The following NEK11 variants were observed in gnomAD, a reference collection of about 807,000 sequenced individuals.
NEK11 encodes serine/threonine-protein kinase Nek11.
NEK11 carries 72 observed loss-of-function variants against 80.7 expected under a neutral mutation model. The observed-to-expected ratio is 0.89, with a 90% CI of 0.74 to 1.08. The LOEUF (loss-of-function observed/expected upper bound fraction) is 1.08, where lower values mean the gene tolerates loss of function less well. NEK11 is among the 50% of genes least tolerant of loss of function. NEK11 has a pLI of 0.00. For missense variants in NEK11, 764 were observed against 763.6 expected, an observed-to-expected ratio of 1.00 and a Z score of -0.01; for synonymous variants, 251 against 260.7, an observed-to-expected ratio of 0.96 and a Z score of 0.36.
intron 3 of NEK11, among the ~76,000 whole-genome samples, chr3:131,041,511 T>A (rs1176248535): frequency 6.6e-6 from 1 of 152,124 alleles, no homozygotes; most frequent in Non-Finnish European, 1.5e-5. Flanking sequence ...AAACTCTGTG[T>A]GTGTGTGTGT....
chr3:131,296,354 G>T (rs1190172908), intron 17 of NEK11, among the ~76,000 whole-genome samples: 5 of 152,070 alleles, frequency 3.3e-5, no homozygotes, highest in African/African-American at 1.2e-4. Context: ...AGAACAGGTT[G>T]TCTGTTAGAT....
chr3:131,116,024 C>T (rs1157372687), intron 5 of NEK11, among the ~76,000 whole-genome samples: 13 of 144,600 alleles, frequency 9.0e-5, no homozygotes, highest in South Asian at 2.2e-4. Flanking sequence ...ATGTACACAA[C>T]GTGCAGGTTT....
intron 7 of NEK11, 114 bp downstream of exon 7, chr3:131,134,070 A>C: frequency 2.2e-6 from 2 of 896,008 alleles, no homozygotes; most frequent in Non-Finnish European, 3.2e-6. Flanking sequence ...TGACATGAAT[A>C]TTTCTGTGAC....
intron 14 of NEK11, among the ~76,000 whole-genome samples, chr3:131,208,220 G>T (rs1465883970): frequency 6.6e-6 from 1 of 152,100 alleles, no homozygotes; most frequent in Non-Finnish European, 1.5e-5. Context: ...TATTAAATAG[G>T]GAATCCTTTC....
chr3:131,114,705 A>T (rs140777430), intron 5 of NEK11, among the ~76,000 whole-genome samples: 1 of 152,246 alleles, frequency 6.6e-6, no homozygotes, highest in Non-Finnish European at 1.5e-5. Flanking sequence ...AAGAAGCGTG[A>T]ATACTTGGGA....
chr3:131,223,784 C>T (rs1382546379), intron 14 of NEK11, among the ~76,000 whole-genome samples: 2 of 152,056 alleles, frequency 1.3e-5, no homozygotes, highest in South Asian at 2.1e-4. Context: ...ACAGGAAGGA[C>T]AGTGGGAGGT....
At chr3:131,160,778 T>C (rs1172853019) in intron 10 of NEK11, among the ~76,000 whole-genome samples, 1 of 152,184 alleles carries the variant, frequency 6.6e-6, no homozygotes, top group Non-Finnish European at 1.5e-5. Flanking sequence ...GTTGCTGTTC[T>C]AATTTCAAAC....
chr3:131,243,440 G>A lies in NEK11; in HGVS notation c.1565G>A (p.Ser522Asn), dbSNP rs1454322149. ...ATTTCTCCCTTATTTTGACAGGACA[G>A]TGATATCGAAGCGTTGGCCAGGTGT... ...QPAYRTNQQD[S>N]DIEALARCLE... The change falls in exon 16 of 18, where the codon AGT becomes AAT. Residue 522 changes from serine (S) to asparagine (N), a missense_variant. Transcript: ENST00000383366. The A allele has an allele frequency of 1.9e-6, 3 of 1,612,596 alleles. No homozygotes were observed. Among genetic ancestry groups the A allele is most frequent in the African/African-American group, 2.7e-5 (2 of 74,918 alleles).
chr3:131,138,820 T>G (rs1285407751), intron 7 of NEK11, among the ~76,000 whole-genome samples: 1 of 152,232 alleles, frequency 6.6e-6, no homozygotes, highest in Non-Finnish European at 1.5e-5. Context: ...ACAGTGTTAC[T>G]GGGCTTGGGG....
chr3:131,134,268 T>C (rs1158235223), intron 7 of NEK11: 1 of 201,542 alleles, frequency 5.0e-6, no homozygotes, highest in African/African-American at 2.3e-5. Flanking sequence ...AAATAAAGTA[T>C]TTGTAACCCT....
intron 12 of NEK11, among the ~76,000 whole-genome samples, chr3:131,166,069 C>G (rs1483137697): frequency 1.3e-5 from 2 of 152,190 alleles, no homozygotes; most frequent in African/African-American, 4.8e-5. Flanking sequence ...AAATAGCAAA[C>G]ACCATTTTCT....
intron 16 of NEK11, among the ~76,000 whole-genome samples, chr3:131,259,566 C>A (rs957878340): frequency 2.6e-5 from 4 of 152,056 alleles, no homozygotes; most frequent in Non-Finnish European, 1.5e-5. Context: ...GGGATTGACC[C>A]TGTGGACAGA....
intron 17 of NEK11, among the ~76,000 whole-genome samples, chr3:131,339,720 C>G (rs1167862071): frequency 2.6e-5 from 4 of 152,170 alleles, no homozygotes; most frequent in Admixed American, 6.5e-5. Context: ...TAAACAGGAA[C>G]AGGAACAGAT....
intron 14 of NEK11, among the ~76,000 whole-genome samples, chr3:131,205,276 A>C (rs2094410402): frequency 6.6e-6 from 1 of 152,224 alleles, no homozygotes; most frequent in African/African-American, 2.4e-5. Flanking sequence ...AAGTGTTGAC[A>C]GCCAACAAGT....
At chr3:131,342,827 C>T (rs1290045318) in intron 17 of NEK11, among the ~76,000 whole-genome samples, 1 of 152,120 alleles carries the variant, frequency 6.6e-6, no homozygotes, top group African/African-American at 2.4e-5. Flanking sequence ...AAGTATTTTA[C>T]TCCATTCCGA....
chr3:131,067,202 A>G (rs2072200549), intron 3 of NEK11, among the ~76,000 whole-genome samples: 1 of 152,180 alleles, frequency 6.6e-6, no homozygotes, highest in South Asian at 2.1e-4. Flanking sequence ...CTGCTCTGCC[A>G]CTGGATTGCA....
chr3:131,304,008 CTT>C (rs2096694106), intron 17 of NEK11, among the ~76,000 whole-genome samples: 1 of 152,198 alleles, frequency 6.6e-6, no homozygotes, highest in African/African-American at 2.4e-5. Flanking sequence ...GATTTGGTCT[CTT>C]TACATAATTC....
chr3:131,041,453 C>T (rs1359327600), intron 3 of NEK11, among the ~76,000 whole-genome samples: 1 of 152,176 alleles, frequency 6.6e-6, no homozygotes, highest in South Asian at 2.1e-4. Context: ...TAATTTCCCA[C>T]AGATAAAGCT....
intron 16 of NEK11, among the ~76,000 whole-genome samples, chr3:131,255,365 A>C (rs1327783878): frequency 1.3e-5 from 2 of 152,170 alleles, no homozygotes; most frequent in Admixed American, 1.3e-4. Context: ...CCAGTTCTAC[A>C]TTTCAAGTCA....
Sources: allele counts gnomAD v4.1 joint callset (sites outside exome capture counted in the v4.1 genomes callset), GRCh38; gene constraint gnomAD v4.1.1; transcripts MANE v1.5; gene names NCBI Gene and HGNC (gene_info 2026-07-23, HGNC 2026-07-21).